Variants in LRRC4C observed in about 807,000 individuals in gnomAD.
The protein encoded by LRRC4C is leucine-rich repeat-containing protein 4C.
LRRC4C carries 5 observed loss-of-function variants against 33.6 expected under a neutral mutation model. The observed-to-expected ratio is 0.15, with a 90% CI of 0.08 to 0.31. The LOEUF is 0.31. LRRC4C is among the 10% of genes least tolerant of loss of function. The pLI, the probability that LRRC4C is intolerant of heterozygous loss-of-function variation, is 1.00. For missense variants in LRRC4C, 560 were observed against 796.7 expected, an observed-to-expected ratio of 0.70 and a Z score of 3.58; for synonymous variants, 329 against 302.0, an observed-to-expected ratio of 1.09 and a Z score of -0.93.
At chr11:40,925,780 T>C (rs1493067) in intron 2 of LRRC4C, among the ~76,000 whole-genome samples, 149,739 of 152,270 alleles carry the variant, frequency 0.98, 73,695 homozygotes, top group East Asian at 1. Flanking sequence ...AATTGGAGAT[T>C]ATTTCACATT....
Position 41,397,940 on chromosome 11 carries a change from T to C in LRRC4C, c.-496+61491A>G, listed in dbSNP as rs188667051. Among the ~76,000 whole-genome samples, 894 of 152,086 alleles carry C rather than the reference T, an allele frequency of 5.9e-3. 7 individuals are homozygous for C. Among genetic ancestry groups the C allele is most frequent in the African/African-American group, 0.021 (863 of 41,542 alleles). ...TTCAGTCTCAGTTTTCAGTTATTTA[T>C]AAGGCTTAGAAATAAATCCTGATCT... On this transcript the variant is annotated intron_variant, in intron 1 of 6. Coordinates refer to ENST00000528697, the MANE Select transcript of LRRC4C (RefSeq NM_001258419.2).
chr11:40,439,049 G>C (rs1397316207), intron 3 of LRRC4C, among the ~76,000 whole-genome samples: 2 of 148,038 alleles, frequency 1.4e-5, no homozygotes, highest in Non-Finnish European at 3.0e-5. Context: ...TCCTGCCTCA[G>C]CCTCCCTAGT....
At chr11:41,324,028 C>T (rs879244284) in intron 1 of LRRC4C, among the ~76,000 whole-genome samples, 9 of 152,150 alleles carry the variant, frequency 5.9e-5, no homozygotes, top group African/African-American at 2.2e-4. Context: ...CTGTGGACCA[C>T]CTTTACCAGA....
chr11:40,509,567 A>T (rs1241674507), intron 3 of LRRC4C, among the ~76,000 whole-genome samples: 1 of 152,042 alleles, frequency 6.6e-6, no homozygotes, highest in East Asian at 1.9e-4. Context: ...TCATGGAACA[A>T]TGCGGTATGT....
chr11:40,948,889 G>C (rs991932379), intron 1 of LRRC4C, among the ~76,000 whole-genome samples: 20 of 151,986 alleles, frequency 1.3e-4, no homozygotes, highest in Non-Finnish European at 2.6e-4. Context: ...ACCCAGTAAT[G>C]GGATGGCTGG....
chr11:41,315,683 G>T (rs1463853057), intron 1 of LRRC4C, among the ~76,000 whole-genome samples: 1 of 152,208 alleles, frequency 6.6e-6, no homozygotes, highest in Admixed American at 6.5e-5. Flanking sequence ...CTAACTCATA[G>T]AAACTATAAG....
intron 1 of LRRC4C, among the ~76,000 whole-genome samples, chr11:41,279,413 CA>C (rs1949589810): frequency 2.7e-5 from 4 of 148,826 alleles, no homozygotes; most frequent in South Asian, 2.1e-4. Context: ...CACACACACA[CA>C]CACACACACA....
rs370574515 is a variant in LRRC4C at position 41,411,142 on chromosome 11, ATTTTTTTTT to A, written c.-496+48280_-496+48288del. 2.3e-4 allele frequency among the ~76,000 whole-genome samples: 13 copies of A among 57,236 alleles called. 2 individuals are homozygous for A. Among genetic ancestry groups the A allele is most frequent in the African/African-American group, 3.5e-4 (3 of 8,610 alleles). 37.5% of individuals were successfully genotyped at this position (57,236 alleles called of 152,430 possible). ...ATGAGAAACACTTGGTTGGTACCCT[ATTTTTTTTT>A]TTTTTTTTTTTTTTTGAGATGGAGT... On this transcript the variant is annotated intron_variant, in intron 1 of 6. Coordinates refer to ENST00000528697, the MANE Select transcript of LRRC4C (RefSeq NM_001258419.2).
At chr11:41,421,433 A>G (rs969877186) in intron 1 of LRRC4C, among the ~76,000 whole-genome samples, 3 of 152,096 alleles carry the variant, frequency 2.0e-5, no homozygotes, top group Non-Finnish European at 4.4e-5. Context: ...TGGGAGAAGC[A>G]TGGTTACTTG....
chr11:40,669,656 C>T (rs1463681111), intron 2 of LRRC4C, among the ~76,000 whole-genome samples: 14 of 152,194 alleles, frequency 9.2e-5, no homozygotes, highest in Non-Finnish European at 1.5e-5. Context: ...AATCAGCTTG[C>T]CTGGTACTCC....
intron 1 of LRRC4C, among the ~76,000 whole-genome samples, chr11:41,000,848 G>A (rs981862259): frequency 3.3e-5 from 5 of 152,076 alleles, no homozygotes; most frequent in Non-Finnish European, 7.4e-5. Context: ...AAGATAAGTC[G>A]AAATGTGCCA....
intron 3 of LRRC4C, among the ~76,000 whole-genome samples, chr11:40,582,493 T>C (rs1392523660): frequency 6.6e-6 from 1 of 151,174 alleles, no homozygotes; most frequent in African/African-American, 2.4e-5. Flanking sequence ...CTTATCGTAC[T>C]TATTTCTCTC....
chr11:40,401,576 G>A (rs1322250517), intron 3 of LRRC4C, among the ~76,000 whole-genome samples: 1 of 152,080 alleles, frequency 6.6e-6, no homozygotes, highest in Admixed American at 6.6e-5. Context: ...TGGTTGCCCA[G>A]TAATGAAATC....
At chr11:40,120,078 C>T (rs1855720173) in intron 6 of LRRC4C, among the ~76,000 whole-genome samples, 1 of 152,234 alleles carries the variant, frequency 6.6e-6, no homozygotes, top group African/African-American at 2.4e-5. Flanking sequence ...CTGCTGCTTC[C>T]CAGTGTGGCC....
At chr11:41,011,480 CT>C (rs1181217506) in intron 1 of LRRC4C, among the ~76,000 whole-genome samples, 1 of 152,056 alleles carries the variant, frequency 6.6e-6, no homozygotes, top group East Asian at 1.9e-4. Flanking sequence ...TTTTATTCTA[CT>C]TTATTTTCTG....
intron 3 of LRRC4C, among the ~76,000 whole-genome samples, chr11:40,358,821 T>C (rs1429330408): frequency 3.3e-5 from 5 of 152,156 alleles, no homozygotes; most frequent in Admixed American, 3.3e-4. Context: ...CTTTGAGACT[T>C]GGCCTTGGGA....
chr11:40,192,935 G>C (rs1861963165), intron 5 of LRRC4C, among the ~76,000 whole-genome samples: 1 of 152,216 alleles, frequency 6.6e-6, no homozygotes, highest in African/African-American at 2.4e-5. Context: ...ATCTCTGAAA[G>C]AAAGGCAGCA....
chr11:40,150,446 GT>G (rs1319072516), intron 5 of LRRC4C, among the ~76,000 whole-genome samples: 2 of 152,116 alleles, frequency 1.3e-5, no homozygotes, highest in Non-Finnish European at 2.9e-5. Flanking sequence ...AAATAATATA[GT>G]TTGACTTAGA....
At chr11:40,513,065 C>T (rs1202897676) in intron 3 of LRRC4C, among the ~76,000 whole-genome samples, 6 of 151,642 alleles carry the variant, frequency 4.0e-5, no homozygotes, top group Non-Finnish European at 5.9e-5. Flanking sequence ...CTGGCTAACA[C>T]GGTGAAACCC....
Sources: allele counts gnomAD v4.1 joint callset (sites outside exome capture counted in the v4.1 genomes callset), GRCh38; gene constraint gnomAD v4.1.1; transcripts MANE v1.5; gene names NCBI Gene and HGNC (gene_info 2026-07-23, HGNC 2026-07-21).